The following MYOF variants were observed in gnomAD, a reference collection of about 807,000 sequenced individuals.
MYOF encodes the protein fer-1-like 3, myoferlin.
MYOF carries 244 observed loss-of-function variants against 284.2 expected under a neutral mutation model. That is an observed-to-expected ratio of 0.86 (90% CI 0.77 to 0.95). MYOF has a LOEUF of 0.95. Among genes scored for constraint, MYOF ranks in the 40% least tolerant of loss-of-function variants. The pLI is 0.00. For synonymous variants in MYOF, 904 were observed against 919.7 expected, an observed-to-expected ratio of 0.98 and a Z score of 0.31; for missense variants, 2,496 against 2,560.6, an observed-to-expected ratio of 0.97 and a Z score of 0.54.
Position 93,361,567 on chromosome 10 carries a change from C to T in MYOF, c.2869-10G>A, listed in dbSNP as rs369661913. ...CTGCTTTATCGCCGTTCTTACAAAA[C>T]AAAAATAAAAACAAAGAAGAGAGGT... On this transcript the variant is annotated splice_polypyrimidine_tract_variant and intron_variant, in intron 27 of 53. Transcript: ENST00000359263. 2.5e-6 allele frequency: 4 copies of T among 1,613,788 alleles called. No homozygotes were observed. Among genetic ancestry groups the T allele is most frequent in the Non-Finnish European group, 3.4e-6 (4 of 1,179,856 alleles).
At chr10:93,478,408 G>C (rs2134413009) in intron 1 of MYOF, 1 of 163,668 alleles carries the variant, frequency 6.1e-6, no homozygotes, top group Middle Eastern at 2.3e-3. Flanking sequence ...AATTACATAA[G>C]CGTTGTGGCT....
At chr10:93,360,157 C>A (rs901116457) in intron 28 of MYOF, among the ~76,000 whole-genome samples, 179 bp from the exon 29 acceptor site, 1 of 152,214 alleles carries the variant, frequency 6.6e-6, no homozygotes. Flanking sequence ...CAGCCTCATT[C>A]CCATTCAGCT....
chr10:93,408,663 C>CA lies in MYOF; in HGVS notation c.729+123dup. 4.5e-6 allele frequency: 6 copies of CA among 1,324,992 alleles called. No homozygotes were observed. In the South Asian group the frequency reaches 8.4e-5, roughly 18 times the overall value. The allele number at this position is 1,324,992 out of a possible 1,614,324, so 82.1% of individuals were successfully genotyped here. A position where few individuals can be genotyped will look rare whatever the true frequency, so the allele number is the denominator to read the frequency against. On this transcript the variant is annotated intron_variant, in intron 7 of 53. Transcript: ENST00000359263. ...ACCCTGCCATGCGTTCACATGGTCA[C>CA]ACCTAGTTTTGTTCCTGTGATCTCT...
intron 23 of MYOF, among the ~76,000 whole-genome samples, 168 bp from the exon 24 acceptor site, chr10:93,373,253 T>G (rs528327318): frequency 1.3e-5 from 2 of 152,078 alleles, no homozygotes; most frequent in Non-Finnish European, 2.9e-5. Context: ...GACCGCACTG[T>G]GAGTTTGCAG....
chr10:93,373,139 G>T, intron 23 of MYOF, 54 bp from the exon 24 acceptor site: 1 of 1,607,728 alleles, frequency 6.2e-7, no homozygotes, highest in Non-Finnish European at 8.5e-7. Context: ...AGTCTAAATG[G>T]AGAGGGACCG....
At position 93,369,703 on chromosome 10, in the gene MYOF, G is replaced by A. The variant is rs1380023570; in HGVS notation, c.2531C>T (p.Ala844Val). The A allele has an allele frequency of 1.2e-6, 2 of 1,614,192 alleles. No individual in the cohort carries two copies. The highest frequency in any genetic ancestry group is 2.2e-5 in the South Asian group (2 of 91,084). Reference sequence around the variant, plus strand: ...GAAGCTGTTAAACTTCTTCTCCACAGCACTTAAGCCTAGCCAGATGTTCAC... The same window carrying A: ...GAAGCTGTTAAACTTCTTCTCCACAACACTTAAGCCTAGCCAGATGTTCAC... Reference protein sequence around the residue: ...LRVNIWLGLSAVEKKFNSFAE... With the variant: ...LRVNIWLGLSVVEKKFNSFAE... The change falls in exon 25 of 54, where the codon GCT (alanine) becomes GTT (valine). Residue 844 changes from alanine to valine, a missense_variant. Physicochemically the swap from Ala to Val is moderately conservative, Grantham distance 64. Around this residue, in one of 3 missense-constraint regions of MYOF, gnomAD observed 2,436 missense variants for 2,480.7 expected, o/e 0.98. Coordinates refer to ENST00000359263, the MANE Select transcript of MYOF (RefSeq NM_013451.4).
intron 2 of MYOF, among the ~76,000 whole-genome samples, chr10:93,454,527 G>A (rs1356792930): frequency 6.6e-6 from 1 of 152,184 alleles, no homozygotes; most frequent in Non-Finnish European, 1.5e-5. Context: ...TATTCTTGGA[G>A]TTCTGTCAGG....
chr10:93,451,347 TTA>T (rs2056585051), intron 3 of MYOF, among the ~76,000 whole-genome samples: 1 of 151,936 alleles, frequency 6.6e-6, no homozygotes, highest in Non-Finnish European at 1.5e-5. Flanking sequence ...AAAAAAACCT[TTA>T]GTCTCTTGTG....
intron 1 of MYOF, among the ~76,000 whole-genome samples, chr10:93,470,206 G>T (rs929986916): frequency 9.0e-5 from 13 of 145,108 alleles, no homozygotes; most frequent in African/African-American, 3.4e-4. Flanking sequence ...TCCAGCCTGG[G>T]CAACAGAGCG....
Position 93,387,844 on chromosome 10 carries a change from C to A in MYOF, c.1651G>T (p.Asp551Tyr), listed in dbSNP as rs1285777919. 4 of 1,614,110 alleles carry A rather than the reference C, an allele frequency of 2.5e-6. No individual in the cohort carries two copies. ...LATFLEKTPP[D>Y]KKLEPISNDD... ...TTTGAAATGGGCTCAAGCTTTTTATCTGGTGGTGTCTTCTCAAGAAAAGTG... is the reference window on the plus strand; with the variant it reads ...TTTGAAATGGGCTCAAGCTTTTTATATGGTGGTGTCTTCTCAAGAAAAGTG... The change falls in exon 19 of 54, where the codon GAT becomes TAT. Residue 551 changes from aspartate (D) to tyrosine (Y), a missense_variant. Physicochemically the swap from Asp to Tyr is radical, Grantham distance 160. Around this residue, in one of 3 missense-constraint regions of MYOF, gnomAD observed 2,436 missense variants for 2,480.7 expected, o/e 0.98. Coordinates refer to ENST00000359263, the MANE Select transcript of MYOF (RefSeq NM_013451.4).
chr10:93,477,670 AACCCTGTCTCT>A (rs2057294037), intron 1 of MYOF, among the ~76,000 whole-genome samples: 1 of 151,874 alleles, frequency 6.6e-6, no homozygotes, highest in Non-Finnish European at 1.5e-5. Flanking sequence ...AACATGGTGA[AACCCTGTCTCT>A]ACTAAAAATA....
chr10:93,424,973 CTG>C (rs1428534323), intron 5 of MYOF, among the ~76,000 whole-genome samples: 2 of 112,132 alleles, frequency 1.8e-5, no homozygotes, highest in African/African-American at 6.9e-5. Context: ...GAGTTTCACT[CTG>C]TTGCCCAGGC....
At chr10:93,459,818 G>A (rs1423823228) in intron 1 of MYOF, among the ~76,000 whole-genome samples, 1 of 152,160 alleles carries the variant, frequency 6.6e-6, no homozygotes, top group Non-Finnish European at 1.5e-5. Flanking sequence ...ATTCTCAAAT[G>A]TGCTTGAAAA....
rs1842306912 is a variant in MYOF at position 93,309,946 on chromosome 10, G to A, written c.6147+74C>T. ...GGTCATTCTTCTGCACAGTGGTCAG[G>A]GCAGATGCCAAGGGAGAGGACCAAC... On this transcript the variant is annotated intron_variant, in intron 53 of 53. Transcript: ENST00000359263. The A allele has an allele frequency of 3.2e-6, 5 of 1,575,964 alleles. No individual in the cohort carries two copies. The Admixed American group carries it at 8.4e-5, about 27-fold the overall frequency.
At chr10:93,358,305 G>A (rs915565293) in intron 29 of MYOF, among the ~76,000 whole-genome samples, 2 of 152,216 alleles carry the variant, frequency 1.3e-5, no homozygotes, top group Non-Finnish European at 2.9e-5. Flanking sequence ...AACAACAGAT[G>A]ATGGTGAGGC....
At chr10:93,375,040 G>A in intron 22 of MYOF, 85 bp from the exon 23 acceptor site, 1 of 1,324,716 alleles carries the variant, frequency 7.5e-7, no homozygotes, top group African/African-American at 1.5e-5. Context: ...CATTTATGTT[G>A]GATTTCCATC....
At chr10:93,371,480 T>C (rs1044227827) in intron 24 of MYOF, among the ~76,000 whole-genome samples, 1 of 152,192 alleles carries the variant, frequency 6.6e-6, no homozygotes, top group African/African-American at 2.4e-5. Context: ...CAGCAAGACA[T>C]TAAAGAAGTT....
chr10:93,310,080 G>T lies in MYOF; in HGVS notation c.6087C>A (p.Ile2029=). The change falls in exon 53 of 54, where the codon ATC becomes ATA. Residue 2029 remains isoleucine, a synonymous_variant. Transcript: ENST00000359263. Reference sequence around the variant, plus strand: ...GCAGGATAAGCAGGAACAGCAAGCCGATGATGACCCACTTAAAGCGGCGCC... The same window carrying T: ...GCAGGATAAGCAGGAACAGCAAGCCTATGATGACCCACTTAAAGCGGCGCC... ...IVWRRFKWVI[I]GLLFLLILLL... The T allele has an allele frequency of 6.2e-7, 1 of 1,614,124 alleles. No individual in the cohort carries two copies. Among genetic ancestry groups the T allele is most frequent in the Non-Finnish European group, 8.5e-7 (1 of 1,180,024 alleles).
At chr10:93,326,208 CG>C (rs1216393544) in intron 45 of MYOF, among the ~76,000 whole-genome samples, 1 of 152,164 alleles carries the variant, frequency 6.6e-6, no homozygotes, top group Non-Finnish European at 1.5e-5. Flanking sequence ...GACACCAGAA[CG>C]GGTAAGTGGG....
Sources: gnomAD v4.1 joint callset for allele counts (sites outside exome capture counted in the v4.1 genomes callset) on GRCh38, gnomAD v4.1.1 for gene constraint, gnomAD v4.1.1 regional missense constraint, MANE v1.5 for transcripts, NCBI Gene and HGNC (gene_info 2026-07-23, HGNC 2026-07-21) for gene names.